Variants in ADIRF observed in about 807,000 individuals in gnomAD.
ADIRF encodes adipogenesis factor rich in obesity.
Under a neutral mutation model 7.8 loss-of-function variants are expected in ADIRF, and 9 were observed. The observed-to-expected ratio is 1.15, with a 90% CI of 0.70 to 2.01. ADIRF has a LOEUF of 2.01. Ranked by LOEUF, ADIRF falls within the 30% of genes most tolerant of loss-of-function variation. The pLI is 0.00. For synonymous variants in ADIRF, 48 were observed against 39.9 expected (o/e 1.20, Z -0.77); for missense variants, 106 against 98.1 (o/e 1.08, Z -0.34).
intron 2 of ADIRF, 31 bp downstream of exon 2, chr10:86,970,293 C>A (rs1844562549): frequency 2.0e-6 from 3 of 1,489,174 alleles, no homozygotes; most frequent in Admixed American, 2.3e-5. Context: ...GGCGGGCAAC[C>A]CCAGCACACC....
chr10:86,968,884 G>C, intron 1 of ADIRF: 1 of 431,274 alleles, frequency 2.3e-6, no homozygotes, highest in Non-Finnish European at 4.1e-6. Context: ...GCGCTGGGCG[G>C]CCCGCCCAGG....
chr10:86,968,846 C>A (rs1417390139), intron 1 of ADIRF: 49 of 491,368 alleles, frequency 1.0e-4, no homozygotes, highest in South Asian at 8.7e-4. Flanking sequence ...GCGGGCACTG[C>A]GGGAGCCCCT....
At chr10:86,969,407 G>C (rs1447577292) in intron 1 of ADIRF, 1 of 152,282 alleles carries the variant, frequency 6.6e-6, no homozygotes, top group African/African-American at 2.4e-5. Flanking sequence ...TTTCTGATGG[G>C]TTAATCGAGA....
At chr10:86,970,450 C>A in intron 2 of ADIRF, 26 bp from the exon 3 acceptor site, 1 of 1,598,372 alleles carries the variant, frequency 6.3e-7, no homozygotes, top group Non-Finnish European at 8.6e-7. Flanking sequence ...CCTGCCTGAC[C>A]TGCCCTCTCT....
intron 1 of ADIRF, 102 bp downstream of exon 1, chr10:86,968,707 C>A: frequency 7.2e-7 from 1 of 1,398,082 alleles, no homozygotes; most frequent in Non-Finnish European, 9.7e-7. Context: ...GGACCGGCAG[C>A]TTGGCTCGGA....
Position 86,968,582 on chromosome 10 carries a change from T to TGGAG in ADIRF, c.41_44dup (p.Thr16GlyfsTer45). 3 of 1,612,880 alleles carry TGGAG rather than the reference T, an allele frequency of 1.9e-6. No individual in the cohort carries two copies. The South Asian group carries it at 3.3e-5, about 18-fold the overall frequency. ...GGCTTGCAGGACCTGAAGCAACAGG[T>TGGAG]GGAGGGGACCGCCCAGGAAGCCGGT... On this transcript the variant is annotated frameshift_variant, in exon 1 of 3. Transcript: ENST00000372013. LOFTEE classifies it high-confidence loss of function.
rs531379548 is a variant in ADIRF at position 86,970,642 on chromosome 10, C to A, written c.*60C>A. The stretch of plus-strand genomic sequence containing the variant: ...CAGCAGGGAGACTTGGGTGACCCCC[C>A]TTCCAGGCGCCATCTAGCACAGCCT... On this transcript the variant is annotated 3_prime_UTR_variant, in exon 3 of 3. Transcript: ENST00000372013. The A allele has an allele frequency of 3.6e-6, 5 of 1,398,304 alleles. No individual in the cohort carries two copies. Among genetic ancestry groups the A allele is most frequent in the Non-Finnish European group, 5.0e-6 (5 of 1,004,196 alleles). The allele number at this position is 1,398,304 out of a possible 1,614,324, so 86.6% of individuals were successfully genotyped here. A position where few individuals can be genotyped will look rare whatever the true frequency, so the allele number is the denominator to read the frequency against.
In ADIRF at chr10:86,970,567, C is replaced by T. The variant is rs368188117; in HGVS notation, c.216C>T (p.Phe72=). The T allele has an allele frequency of 9.9e-6, 16 of 1,610,200 alleles. No individual in the cohort carries two copies. The African/African-American group carries it at 2.0e-4, about 20-fold the overall frequency. Reference sequence around the variant, plus strand: ...CCTTCTCTGGGATTGGGAAAAAATTCGGCCTCCTGAAATGACAGCAGGGAG... The same window carrying T: ...CCTTCTCTGGGATTGGGAAAAAATTTGGCCTCCTGAAATGACAGCAGGGAG... ...SDTFSGIGKK[F]GLLK is the part of the protein sequence containing the mutation. Residue 72 remains phenylalanine, a synonymous_variant, in exon 3 of 3, where the codon TTC becomes TTT. Coordinates refer to ENST00000372013, the MANE Select transcript of ADIRF (RefSeq NM_006829.3).
intron 1 of ADIRF, chr10:86,968,959 G>T (rs562456694): frequency 7.6e-6 from 2 of 262,588 alleles, no homozygotes; most frequent in Non-Finnish European, 1.4e-5. Flanking sequence ...TTAAACCCGC[G>T]CGCGCCACCA....
In ADIRF at chr10:86,968,503, C is replaced by T. The variant is rs376111042; in HGVS notation, c.-42C>T. 103 of 1,610,700 alleles carry T rather than the reference C, an allele frequency of 6.4e-5. No homozygotes were observed. The African/African-American group carries it at 8.7e-4, about 14-fold the overall frequency. On this transcript the variant is annotated 5_prime_UTR_variant, in exon 1 of 3. Transcript: ENST00000372013. ...CGCCACTCTGGGCAGGATCCAACGT[C>T]GCTCCAGCTGCTCTTGACGACTCCA...
intron 2 of ADIRF, 41 bp from the exon 3 acceptor site, chr10:86,970,435 C>A (rs190613644): frequency 2.5e-6 from 4 of 1,573,332 alleles, no homozygotes; most frequent in African/African-American, 2.7e-5. Flanking sequence ...CTGTGGTTCC[C>A]GGGCCCTGCC....
intron 2 of ADIRF, 25 bp from the exon 3 acceptor site, chr10:86,970,451 T>G (rs758430701): frequency 1.9e-6 from 3 of 1,599,474 alleles, no homozygotes; most frequent in Non-Finnish European, 2.6e-6. Flanking sequence ...CTGCCTGACC[T>G]GCCCTCTCTC....
Position 86,970,766 on chromosome 10 carries a change from G to A in ADIRF, c.*184G>A, listed in dbSNP as rs771165008. ...CACTTCATGATTCCTCGCAAGCTGG[G>A]CCCAGTCCTCTCATCCCAAGAGCAG... is the stretch of plus-strand genomic sequence containing the variant. On this transcript the variant is annotated 3_prime_UTR_variant, in exon 3 of 3. Transcript: ENST00000372013. 1 of 671,260 alleles carries A rather than the reference G, an allele frequency of 1.5e-6. No individual in the cohort carries two copies. Among genetic ancestry groups the A allele is most frequent in the South Asian group, 1.5e-5 (1 of 66,490 alleles). 41.6% of individuals were successfully genotyped at this position (671,260 alleles called of 1,614,324 possible). A position where few individuals can be genotyped will look rare whatever the true frequency, so the allele number is the denominator to read the frequency against.
intron 1 of ADIRF, 147 bp downstream of exon 1, chr10:86,968,752 C>G: frequency 1.2e-6 from 1 of 835,852 alleles, no homozygotes; most frequent in Non-Finnish European, 1.8e-6. Context: ...AGGGGGCAGG[C>G]AGAACGCCCA....
At chr10:86,968,982 G>A in intron 1 of ADIRF, 1 of 228,840 alleles carries the variant, frequency 4.4e-6, no homozygotes, top group Non-Finnish European at 8.4e-6. Context: ...GGCTGCCCCA[G>A]ACCTCAAAGG....
At chr10:86,969,236 G>A (rs906726235) in intron 1 of ADIRF, 1 of 152,284 alleles carries the variant, frequency 6.6e-6, no homozygotes, top group African/African-American at 2.4e-5. Flanking sequence ...TCCCAGTCAG[G>A]AGACAATATC....
chr10:86,970,650 C>CTGTGCTAGATGGCGCCTGGAA lies in ADIRF; in HGVS notation c.*68_*69insTGTGCTAGATGGCGCCTGGAA. The CTGTGCTAGATGGCGCCTGGAA allele has an allele frequency of 7.5e-7, 1 of 1,327,044 alleles. No homozygotes were observed. Among genetic ancestry groups the CTGTGCTAGATGGCGCCTGGAA allele is most frequent in the Non-Finnish European group, 1.1e-6 (1 of 940,684 alleles). The allele number at this position is 1,327,044 out of a possible 1,614,324, so 82.2% of individuals were successfully genotyped here. ...AGACTTGGGTGACCCCCCTTCCAGGCGCCATCTAGCACAGCCTGGCCCTGA... is the reference window on the plus strand; with the variant it reads ...AGACTTGGGTGACCCCCCTTCCAGGCTGTGCTAGATGGCGCCTGGAAGCCATCTAGCACAGCCTGGCCCTGA... On this transcript the variant is annotated 3_prime_UTR_variant, in exon 3 of 3. Coordinates refer to ENST00000372013, the MANE Select transcript of ADIRF (RefSeq NM_006829.3).
intron 1 of ADIRF, 90 bp from the exon 2 acceptor site, chr10:86,970,110 C>A: frequency 7.9e-7 from 1 of 1,273,156 alleles, no homozygotes; most frequent in Non-Finnish European, 1.0e-6. Context: ...CCACCGAATA[C>A]TCTGGAGGAC....
At position 86,970,912 on chromosome 10, in the gene ADIRF, C is replaced by A; in HGVS notation, c.*330C>A. On this transcript the variant is annotated 3_prime_UTR_variant, in exon 3 of 3. Coordinates refer to ENST00000372013, the MANE Select transcript of ADIRF (RefSeq NM_006829.3). ...CCCAGACCGGAGGCTCAGCCCCCAT[C>A]TCGGTTAGTGCCCCTCTCCCGCCCG... 4.6e-6 allele frequency: 2 copies of A among 438,030 alleles called. 1 individual carries two copies. Among genetic ancestry groups the A allele is most frequent in the South Asian group, 3.4e-5 (2 of 58,494 alleles). 27.1% of individuals were successfully genotyped at this position (438,030 alleles called of 1,614,324 possible).
Sources: allele counts gnomAD v4.1 joint callset, GRCh38; gene constraint gnomAD v4.1.1; transcripts MANE v1.5; gene names NCBI Gene and HGNC (gene_info 2026-07-23, HGNC 2026-07-21).